The following TTLL7 variants were observed in gnomAD, a reference collection of about 807,000 sequenced individuals.
TTLL7 encodes tubulin polyglutamylase TTLL7.
TTLL7 carries 53 observed loss-of-function variants against 120.2 expected under a neutral mutation model. The observed-to-expected ratio is 0.44, with a 90% confidence interval of 0.35 to 0.55. TTLL7 has a LOEUF of 0.55. TTLL7 is among the 20% of genes least tolerant of loss of function. The pLI is 0.00. For synonymous variants in TTLL7, 353 were observed against 351.7 expected, an observed-to-expected ratio of 1.00 and a Z score of -0.04; for missense variants, 803 against 1,054.7, an observed-to-expected ratio of 0.76 and a Z score of 3.31.
chr1:83,986,839 C>CA (rs1046000397), intron 1 of TTLL7, among the ~76,000 whole-genome samples: 5 of 149,660 alleles, frequency 3.3e-5, no homozygotes, highest in African/African-American at 1.2e-4. Flanking sequence ...GACTCCATCT[C>CA]AAAAAAAAAG....
chr1:83,989,099 T>C lies in TTLL7; in HGVS notation c.-177+9832A>G, dbSNP rs568397512. ...TATTAGACCTTTGTCACATACATAG[T>C]TTGCAGGCATTTTCTCCCATTCTGT... On this transcript the variant is annotated intron_variant, in intron 1 of 20. Transcript: ENST00000260505. 2.0e-5 allele frequency among the ~76,000 whole-genome samples: 3 copies of C among 152,338 alleles called. No individual in the cohort carries two copies. The South Asian group carries it at 6.2e-4, about 32-fold the overall frequency.
At chr1:83,909,236 G>A (rs1184787995) in intron 15 of TTLL7, among the ~76,000 whole-genome samples, 2 of 124,156 alleles carry the variant, frequency 1.6e-5, no homozygotes, top group Admixed American at 8.6e-5. Flanking sequence ...AATATCCTTT[G>A]TCTTGAATCA....
intron 1 of TTLL7, among the ~76,000 whole-genome samples, chr1:83,952,802 G>A (rs1373560661): frequency 6.6e-6 from 1 of 152,090 alleles, no homozygotes; most frequent in Non-Finnish European, 1.5e-5. Flanking sequence ...AAATTATTTT[G>A]TGTATCTTTA....
chr1:83,950,527 C>T (rs922513814), intron 3 of TTLL7, among the ~76,000 whole-genome samples: 18 of 152,116 alleles, frequency 1.2e-4, no homozygotes, highest in Non-Finnish European at 1.8e-4. Flanking sequence ...TCCACTGCTC[C>T]CAACCCTCTA....
intron 1 of TTLL7, among the ~76,000 whole-genome samples, chr1:83,961,214 T>C (rs1333109753): frequency 6.6e-6 from 1 of 152,098 alleles, no homozygotes; most frequent in African/African-American, 2.4e-5. Context: ...GGAAATATAG[T>C]TCTCTGGAAG....
chr1:83,908,906 C>T (rs1657442632), intron 15 of TTLL7, among the ~76,000 whole-genome samples: 1 of 151,960 alleles, frequency 6.6e-6, no homozygotes, highest in Middle Eastern at 3.4e-3. Context: ...AAAAGGTATA[C>T]TTATTTAAGC....
chr1:83,871,634 G>A (rs1355797648), intron 20 of TTLL7, among the ~76,000 whole-genome samples: 2 of 151,870 alleles, frequency 1.3e-5, no homozygotes, highest in Non-Finnish European at 2.9e-5. Context: ...GGTGGCTCAC[G>A]CCTGTAATCC....
chr1:83,949,953 TTC>T lies in TTLL7; in HGVS notation c.189_190del (p.Met63IlefsTer5), dbSNP rs1648887451. 1 of 1,613,244 alleles carries T rather than the reference TTC, an allele frequency of 6.2e-7. No individual in the cohort carries two copies. The highest frequency in any genetic ancestry group is 8.5e-7 in the Non-Finnish European group (1 of 1,179,776). The stretch of plus-strand genomic sequence containing the variant: ...ACTTGTTTCATCCTCATCTGGAGTT[TTC>T]ATAAATCCCATTTCATCTATTACTA... On this transcript the variant is annotated frameshift_variant, in exon 4 of 21. Transcript: ENST00000260505. LOFTEE classifies it high-confidence loss of function.
At chr1:83,954,895 C>T (rs1038016568) in intron 1 of TTLL7, among the ~76,000 whole-genome samples, 8 of 149,174 alleles carry the variant, frequency 5.4e-5, no homozygotes, top group East Asian at 2.0e-4. Flanking sequence ...AAAAATTTGA[C>T]GGTGAGCACA....
chr1:83,937,189 A>T (rs905798752), intron 8 of TTLL7, among the ~76,000 whole-genome samples: 2 of 148,870 alleles, frequency 1.3e-5, no homozygotes, highest in Non-Finnish European at 3.0e-5. Context: ...AATCGCCTAC[A>T]CTATTCAGTA....
intron 9 of TTLL7, among the ~76,000 whole-genome samples, chr1:83,932,541 A>G (rs1311505087): frequency 1.3e-5 from 2 of 150,792 alleles, no homozygotes; most frequent in South Asian, 2.1e-4. Flanking sequence ...TTACTGTTTA[A>G]AGTAGATGTG....
intron 1 of TTLL7, among the ~76,000 whole-genome samples, chr1:83,985,564 C>A (rs553034686): frequency 6.6e-6 from 1 of 152,116 alleles, no homozygotes; most frequent in Non-Finnish European, 1.5e-5. Flanking sequence ...TTAACCATCA[C>A]AGATTTTTTA....
At chr1:83,911,737 G>A (rs995445515) in intron 14 of TTLL7, among the ~76,000 whole-genome samples, 2 of 130,320 alleles carry the variant, frequency 1.5e-5, no homozygotes, top group Non-Finnish European at 3.6e-5. Flanking sequence ...TCAAGACTCA[G>A]AGATCTACCT....
In TTLL7 at chr1:83,869,901, A is replaced by G; in HGVS notation, c.*61T>C. 1 of 1,577,742 alleles carries G rather than the reference A, an allele frequency of 6.3e-7. No homozygotes were observed. The highest frequency in any genetic ancestry group is 1.2e-5 in the South Asian group (1 of 82,712). ...AATGGTCATGTTCTTTGCATGTTCAACTTCAGAGGAAAAAAATGAATTGCT... is the reference window on the plus strand; with the variant it reads ...AATGGTCATGTTCTTTGCATGTTCAGCTTCAGAGGAAAAAAATGAATTGCT... On this transcript the variant is annotated 3_prime_UTR_variant, in exon 21 of 21. Coordinates refer to ENST00000260505, the MANE Select transcript of TTLL7 (RefSeq NM_024686.6).
rs144061439 is a variant in TTLL7 at position 83,919,969 on chromosome 1, G to C, written c.1365-135C>G. On this transcript the variant is annotated intron_variant, in intron 12 of 20. Transcript: ENST00000260505. The stretch of plus-strand genomic sequence containing the variant: ...TGCCAGGTATAAGCATTTCTATACT[G>C]ATTAGTGCAAAATGATATTAAATAT... The C allele has an allele frequency of 1.7e-5, 11 of 647,714 alleles. No individual in the cohort carries two copies. In the East Asian group the frequency reaches 3.3e-4, roughly 20 times the overall value. 40.1% of individuals were successfully genotyped at this position (647,714 alleles called of 1,614,324 possible).
Position 83,870,001 on chromosome 1 carries a change from G to A in TTLL7, c.2625C>T (p.Arg875=). ...ATCTGGATGTAAACAAAACATTGGA[G>A]CGAGTCATTCCAGGTGAATTGTACT... ...NLKYNSPGMT[R]SNVLFTSRYG... is the part of the protein sequence containing the mutation. The change falls in exon 21 of 21, where the codon CGC becomes CGT. Residue 875 remains arginine, a synonymous_variant. Coordinates refer to ENST00000260505, the MANE Select transcript of TTLL7 (RefSeq NM_024686.6). The A allele has an allele frequency of 6.3e-7, 1 of 1,592,076 alleles. No homozygotes were observed.
At chr1:83,961,224 G>A (rs1649990970) in intron 1 of TTLL7, among the ~76,000 whole-genome samples, 1 of 151,948 alleles carries the variant, frequency 6.6e-6, no homozygotes, top group Non-Finnish European at 1.5e-5. Flanking sequence ...TTCTCTGGAA[G>A]GTTTTTTTGA....
chr1:83,989,715 A>T (rs1405676642), intron 1 of TTLL7, among the ~76,000 whole-genome samples: 1 of 152,124 alleles, frequency 6.6e-6, no homozygotes, highest in Non-Finnish European at 1.5e-5. Context: ...GTGAAAAATG[A>T]CTTTGGTAGC....
intron 1 of TTLL7, among the ~76,000 whole-genome samples, 180 bp downstream of exon 1, chr1:83,998,751 G>A (rs1302925014): frequency 6.6e-6 from 1 of 152,156 alleles, no homozygotes; most frequent in Non-Finnish European, 1.5e-5. Flanking sequence ...GGGCACGAAT[G>A]GTGCTGAATC....
Sources: gnomAD v4.1 joint callset for allele counts (sites outside exome capture counted in the v4.1 genomes callset) on GRCh38, gnomAD v4.1.1 for gene constraint, MANE v1.5 for transcripts, NCBI Gene and HGNC (gene_info 2026-07-23, HGNC 2026-07-21) for gene names.